The following MAP4K3 variants were observed in gnomAD, a reference collection of about 807,000 sequenced individuals.
The protein encoded by MAP4K3 is MAPK/ERK kinase kinase kinase 3.
In MAP4K3, 94 loss-of-function variants were observed where a neutral mutation model predicts 143.5. The observed-to-expected ratio is 0.65, with a 90% CI of 0.55 to 0.78. The LOEUF (loss-of-function observed/expected upper bound fraction) is 0.78, where lower values mean the gene tolerates loss of function less well. Among genes scored for constraint, MAP4K3 ranks in the 30% least tolerant of loss-of-function variants. MAP4K3 has a pLI of 0.00. For synonymous variants in MAP4K3, 416 were observed against 347.2 expected, an observed-to-expected ratio of 1.20 and a Z score of -2.20; for missense variants, 1,077 against 1,068.1, an observed-to-expected ratio of 1.01 and a Z score of -0.12.
intron 1 of MAP4K3, among the ~76,000 whole-genome samples, chr2:39,419,016 CA>C (rs1330585033): frequency 6.6e-6 from 1 of 151,288 alleles, no homozygotes; most frequent in Non-Finnish European, 1.5e-5. Context: ...AACATGTTAA[CA>C]AAAAACGAAA....
At chr2:39,328,267 G>A (rs1683558391) in intron 8 of MAP4K3, among the ~76,000 whole-genome samples, 1 of 152,198 alleles carries the variant, frequency 6.6e-6, no homozygotes, top group East Asian at 1.9e-4. Flanking sequence ...GGAAGTAGAG[G>A]TTGCAGTGAG....
At chr2:39,321,443 CACAA>C (rs1181488265) in intron 12 of MAP4K3, among the ~76,000 whole-genome samples, 2 of 152,194 alleles carry the variant, frequency 1.3e-5, no homozygotes, top group African/African-American at 4.8e-5. Flanking sequence ...TACCCAGGGA[CACAA>C]ACACTACGGA....
chr2:39,382,806 T>C (rs1474234858), intron 1 of MAP4K3, among the ~76,000 whole-genome samples: 1 of 152,232 alleles, frequency 6.6e-6, no homozygotes, highest in East Asian at 1.9e-4. Context: ...TAAAGCACTA[T>C]GTTACTGACT....
chr2:39,374,942 C>CA (rs1369909244), intron 2 of MAP4K3, among the ~76,000 whole-genome samples: 3 of 151,834 alleles, frequency 2.0e-5, no homozygotes, highest in Admixed American at 1.3e-4. Flanking sequence ...TTTTTGTTTC[C>CA]AAAAAATGGA....
intron 18 of MAP4K3, among the ~76,000 whole-genome samples, chr2:39,291,635 C>G (rs1237492531): frequency 6.6e-6 from 1 of 152,144 alleles, no homozygotes; most frequent in East Asian, 1.9e-4. Context: ...CCTGTAATCC[C>G]AGCACTCTAG....
intron 1 of MAP4K3, among the ~76,000 whole-genome samples, chr2:39,418,116 T>A (rs1455223281): frequency 6.6e-6 from 1 of 151,350 alleles, no homozygotes; most frequent in East Asian, 1.9e-4. Flanking sequence ...GGCAGGAGAA[T>A]TGCTTGAACC....
intron 13 of MAP4K3, among the ~76,000 whole-genome samples, chr2:39,310,225 C>T (rs1682895491): frequency 1.3e-5 from 2 of 152,140 alleles, no homozygotes; most frequent in African/African-American, 2.4e-5. Context: ...ATTTTTGTAC[C>T]TATGAAACAA....
At chr2:39,432,617 G>A (rs1482976647) in intron 1 of MAP4K3, among the ~76,000 whole-genome samples, 1 of 152,160 alleles carries the variant, frequency 6.6e-6, no homozygotes, top group Non-Finnish European at 1.5e-5. Flanking sequence ...TTAGGTTTAA[G>A]AATTGAGTTT....
chr2:39,349,402 T>G (rs1665386666), intron 3 of MAP4K3, among the ~76,000 whole-genome samples: 1 of 152,174 alleles, frequency 6.6e-6, no homozygotes, highest in African/African-American at 2.4e-5. Flanking sequence ...GCTGATCTAT[T>G]TCTCTATAAT....
chr2:39,420,384 C>T lies in MAP4K3; in HGVS notation c.96+16508G>A, dbSNP rs533479523. ...CAAATGTCACTATTCAAAGGTAAAA[C>T]TGAAGTCATGAATCATGAATTCCAT... On this transcript the variant is annotated intron_variant, in intron 1 of 33. Coordinates refer to ENST00000263881, the MANE Select transcript of MAP4K3 (RefSeq NM_003618.4). Among the ~76,000 whole-genome samples, 22 of 152,230 alleles carry T rather than the reference C, an allele frequency of 1.4e-4. No homozygotes were observed. In the South Asian group the frequency reaches 4.4e-3, roughly 30 times the overall value.
chr2:39,353,824 G>A (rs976829317), intron 3 of MAP4K3, among the ~76,000 whole-genome samples: 2 of 152,100 alleles, frequency 1.3e-5, no homozygotes, highest in African/African-American at 2.4e-5. Context: ...TCTAAGCACT[G>A]TTCTTAGTAT....
At chr2:39,353,917 A>G (rs900857371) in intron 3 of MAP4K3, among the ~76,000 whole-genome samples, 62 of 152,336 alleles carry the variant, frequency 4.1e-4, no homozygotes, top group African/African-American at 1.4e-3. Context: ...ATGAGGAAAC[A>G]GAGGCACAAA....
chr2:39,264,413 T>C (rs1330155251), intron 28 of MAP4K3, among the ~76,000 whole-genome samples: 1 of 152,204 alleles, frequency 6.6e-6, no homozygotes, highest in Non-Finnish European at 1.5e-5. Context: ...AAAACTGATA[T>C]GAAAACGAAA....
chr2:39,332,859 T>C (rs1683724496), intron 7 of MAP4K3, among the ~76,000 whole-genome samples: 1 of 152,084 alleles, frequency 6.6e-6, no homozygotes, highest in Non-Finnish European at 1.5e-5. Context: ...TATATTTTTA[T>C]AAAATGCTTA....
chr2:39,369,193 G>GTTTTTTTGTTTT (rs747293878), intron 2 of MAP4K3, among the ~76,000 whole-genome samples: 32 of 37,950 alleles, frequency 8.4e-4, no homozygotes, highest in African/African-American at 1.9e-3. Flanking sequence ...CTTTGGGCTA[G>GTTTTTTTGTTTT]TTTTTTTTTT....
At position 39,267,336 on chromosome 2, in the gene MAP4K3, G is replaced by A. The variant is rs972417426; in HGVS notation, c.1974-89C>T. The stretch of plus-strand genomic sequence containing the variant: ...TGTTATAGATCAGTGCACAAAGGAT[G>A]AGTTCAAAACTGGTGCTGACATACT... On this transcript the variant is annotated intron_variant, in intron 26 of 33. Transcript: ENST00000263881. The A allele has an allele frequency of 9.2e-6, 9 of 981,860 alleles. No individual in the cohort carries two copies. In the African/African-American group the frequency reaches 1.1e-4, roughly 12 times the overall value. 60.8% of individuals were successfully genotyped at this position (981,860 alleles called of 1,614,324 possible).
At chr2:39,273,321 T>C (rs1289956478) in intron 24 of MAP4K3, among the ~76,000 whole-genome samples, 1 of 152,178 alleles carries the variant, frequency 6.6e-6, no homozygotes, top group Non-Finnish European at 1.5e-5. Flanking sequence ...TCACCCCAGA[T>C]CTACTGAAGC....
At chr2:39,261,067 C>A (rs1331171701) in intron 28 of MAP4K3, 1 of 264,278 alleles carries the variant, frequency 3.8e-6, no homozygotes, top group East Asian at 1.0e-4. Flanking sequence ...GGCCCAGGAA[C>A]TGGGTGACCA....
chr2:39,324,479 T>C (rs1371766760), intron 12 of MAP4K3, among the ~76,000 whole-genome samples: 1 of 152,138 alleles, frequency 6.6e-6, no homozygotes, highest in Non-Finnish European at 1.5e-5. Flanking sequence ...TTTACATTCC[T>C]TACATTTTTA....
Sources: allele counts gnomAD v4.1 joint callset (sites outside exome capture counted in the v4.1 genomes callset), GRCh38; gene constraint gnomAD v4.1.1; transcripts MANE v1.5; gene names NCBI Gene and HGNC (gene_info 2026-07-23, HGNC 2026-07-21).